CA13: variants seen among roughly 807,000 people sequenced by gnomAD.
CA13 encodes the protein CA-XIII.
CA13 carries 21 observed loss-of-function variants against 31.5 expected under a neutral mutation model. The ratio of observed to expected loss-of-function variants is 0.67; its 90% CI spans 0.47 to 0.96. CA13 has a LOEUF of 0.96. Ranked by LOEUF, CA13 falls within the 40% of genes least tolerant of loss-of-function variation. The pLI is 0.00. For missense variants in CA13, 315 were observed against 318.9 expected, an observed-to-expected ratio of 0.99 and a Z score of 0.09; for synonymous variants, 117 against 111.4, an observed-to-expected ratio of 1.05 and a Z score of -0.32.
At chr8:85,279,411 G>A (rs1479554027) in intron 6 of CA13, among the ~76,000 whole-genome samples, 2 of 152,180 alleles carry the variant, frequency 1.3e-5, no homozygotes, top group Admixed American at 1.3e-4. Context: ...ATACAGGGTC[G>A]ACCTAGCTGG....
intron 2 of CA13, among the ~76,000 whole-genome samples, chr8:85,253,380 T>C (rs1010717532): frequency 6.6e-6 from 1 of 152,136 alleles, no homozygotes; most frequent in Non-Finnish European, 1.5e-5. Flanking sequence ...TCCTCCTGCC[T>C]CAGCCTCCTG....
At chr8:85,246,195 G>C (rs1380257167) in intron 1 of CA13, 1 of 497,218 alleles carries the variant, frequency 2.0e-6, no homozygotes, top group African/African-American at 1.9e-5. Context: ...TCAATTACAG[G>C]CTTGGAGATC....
intron 6 of CA13, among the ~76,000 whole-genome samples, chr8:85,278,905 G>T (rs1369151655): frequency 1.3e-5 from 2 of 152,108 alleles, no homozygotes; most frequent in South Asian, 4.1e-4. Flanking sequence ...CTGTAAAAGG[G>T]GATAATTATG....
intron 2 of CA13, among the ~76,000 whole-genome samples, chr8:85,251,289 A>T (rs1430786892): frequency 6.6e-6 from 1 of 152,196 alleles, no homozygotes; most frequent in African/African-American, 2.4e-5. Context: ...GGCGTGAGCC[A>T]CCGCACCCAG....
Position 85,281,273 on chromosome 8 carries a change from C to G in CA13, c.713C>G (p.Ala238Gly), listed in dbSNP as rs1807701476. The change falls in exon 7 of 7, where the codon GCA becomes GGA. Residue 238 changes from alanine to glycine, a missense_variant. Ala to Gly is a moderately conservative substitution (Grantham distance 60). Transcript: ENST00000321764. ...RSLLCTAEGE[A>G]AAFLVSNHRP... ...CTCCTGTGCACAGCGGAGGGTGAAGCAGCAGCTTTTCTGGTGAGCAATCAC... is the reference window on the plus strand; with the variant it reads ...CTCCTGTGCACAGCGGAGGGTGAAGGAGCAGCTTTTCTGGTGAGCAATCAC... 1 of 1,613,922 alleles carries G rather than the reference C, an allele frequency of 6.2e-7. No homozygotes were observed. Among genetic ancestry groups the G allele is most frequent in the Non-Finnish European group, 8.5e-7 (1 of 1,179,986 alleles).
intron 6 of CA13, among the ~76,000 whole-genome samples, chr8:85,272,696 A>G (rs1418388188): frequency 1.3e-5 from 2 of 152,196 alleles, no homozygotes; most frequent in East Asian, 3.8e-4. Context: ...CCATATATGG[A>G]TATTAGGAGT....
chr8:85,275,347 C>T (rs570876196), intron 6 of CA13, among the ~76,000 whole-genome samples: 8 of 152,122 alleles, frequency 5.3e-5, no homozygotes, highest in Non-Finnish European at 1.0e-4. Context: ...GGACTGTGGG[C>T]ATTCCTGAGG....
At chr8:85,251,001 C>CTTT in intron 2 of CA13, 64 bp downstream of exon 2, 77 of 771,684 alleles carry the variant, frequency 1.0e-4, no homozygotes, top group Admixed American at 2.9e-4. Flanking sequence ...AGACTATACT[C>CTTT]TTTTTTTTTT....
intron 2 of CA13, among the ~76,000 whole-genome samples, chr8:85,251,447 G>C (rs990346844): frequency 6.6e-5 from 10 of 152,090 alleles, no homozygotes; most frequent in Non-Finnish European, 1.0e-4. Flanking sequence ...AGAGTATTTG[G>C]AAAAGGATAT....
intron 6 of CA13, among the ~76,000 whole-genome samples, chr8:85,275,988 G>A (rs1009339982): frequency 6.6e-6 from 1 of 152,220 alleles, no homozygotes; most frequent in Non-Finnish European, 1.5e-5. Flanking sequence ...TCAGCCCGCC[G>A]CTGCACTGTG....
At chr8:85,263,300 AT>A (rs1484743684) in intron 3 of CA13, among the ~76,000 whole-genome samples, 1 of 152,224 alleles carries the variant, frequency 6.6e-6, no homozygotes, top group Non-Finnish European at 1.5e-5. Flanking sequence ...TCTGAAGTTT[AT>A]CTGTAATGCA....
In CA13 at chr8:85,259,553, C is replaced by T. The variant is rs757839343; in HGVS notation, c.354+14C>T. ...TATGCTGCAGAGGTAAGCCATAAGACATATCTGTGATTCACAGTTTTCCCA... is the reference window on the plus strand; with the variant it reads ...TATGCTGCAGAGGTAAGCCATAAGATATATCTGTGATTCACAGTTTTCCCA... On this transcript the variant is annotated intron_variant, in intron 3 of 6. Coordinates refer to ENST00000321764, the MANE Select transcript of CA13 (RefSeq NM_198584.3). 6 of 1,599,512 alleles carry T rather than the reference C, an allele frequency of 3.8e-6. No individual in the cohort carries two copies. In the South Asian group the frequency reaches 4.4e-5, roughly 12 times the overall value.
intron 6 of CA13, among the ~76,000 whole-genome samples, chr8:85,278,920 ATTGACAGGGGTATT>A (rs1031384828): frequency 2.0e-5 from 3 of 152,162 alleles, no homozygotes; most frequent in African/African-American, 7.2e-5. Context: ...ATTATGTATT[ATTGACAGGGGTATT>A]TTGACTGAGG....
intron 6 of CA13, among the ~76,000 whole-genome samples, chr8:85,280,344 T>C (rs1465270894): frequency 1.3e-5 from 2 of 152,186 alleles, no homozygotes. Context: ...GTATGTATGA[T>C]GGTTGATCCT....
At chr8:85,268,383 T>G in intron 5 of CA13, 89 bp from the exon 6 acceptor site, 1 of 1,108,968 alleles carries the variant, frequency 9.0e-7, no homozygotes. Context: ...GTTTATGGAA[T>G]TATAATGGAA....
At chr8:85,280,019 C>T (rs1403967055) in intron 6 of CA13, among the ~76,000 whole-genome samples, 2 of 151,964 alleles carry the variant, frequency 1.3e-5, no homozygotes, top group Non-Finnish European at 2.9e-5. Context: ...CAGTGGCTCC[C>T]GCCTGTAATT....
In CA13 at chr8:85,250,891, C is replaced by T. The variant is rs548734922; in HGVS notation, c.189C>T (p.Ser63=). The T allele has an allele frequency of 2.0e-5, 33 of 1,613,924 alleles. No individual in the cohort carries two copies. Among genetic ancestry groups the T allele is most frequent in the East Asian group, 1.8e-4 (8 of 44,870 alleles). ...GCTCAGCTAAAATCATCAGCAACAGCGGCCATTCCTTCAATGTTGACTTTG... is the reference window on the plus strand; with the variant it reads ...GCTCAGCTAAAATCATCAGCAACAGTGGCCATTCCTTCAATGTTGACTTTG... The part of the protein sequence containing the change: ...DPSSAKIISN[S]GHSFNVDFDD... Residue 63 remains serine, a synonymous_variant, in exon 2 of 7, where the codon AGC becomes AGT. Transcript: ENST00000321764.
chr8:85,276,370 G>C (rs1011356561), intron 6 of CA13, among the ~76,000 whole-genome samples: 1 of 152,320 alleles, frequency 6.6e-6, no homozygotes, highest in East Asian at 1.9e-4. Flanking sequence ...CCTGCTCCAC[G>C]GTGCCCAGTC....
At chr8:85,280,260 C>T (rs1807681364) in intron 6 of CA13, among the ~76,000 whole-genome samples, 1 of 152,144 alleles carries the variant, frequency 6.6e-6, no homozygotes, top group Non-Finnish European at 1.5e-5. Context: ...AGCCTGGTGA[C>T]ACAGCAAGAC....
Sources: gnomAD v4.1 joint callset for allele counts (sites outside exome capture counted in the v4.1 genomes callset) on GRCh38, gnomAD v4.1.1 for gene constraint, MANE v1.5 for transcripts, NCBI Gene and HGNC (gene_info 2026-07-23, HGNC 2026-07-21) for gene names.